TRIM2: variants seen among roughly 807,000 people sequenced by gnomAD.
TRIM2 encodes tripartite motif-containing protein 2.
TRIM2 carries 20 observed loss-of-function variants against 75.2 expected under a neutral mutation model. The ratio of observed to expected loss-of-function variants is 0.27; its 90% CI spans 0.19 to 0.39. The LOEUF is 0.39. Among genes scored for constraint, TRIM2 ranks in the 10% least tolerant of loss-of-function variants. The probability of loss-of-function intolerance (pLI) is 1.00; values close to 1 mark genes in which losing one functional copy is unlikely to be tolerated. For missense variants in TRIM2, 660 were observed against 990.8 expected (o/e 0.67, Z 4.48); for synonymous variants, 373 against 388.3 (o/e 0.96, Z 0.46).
chr4:153,302,589 G>A (rs1764138859), intron 6 of TRIM2, among the ~76,000 whole-genome samples: 1 of 152,200 alleles, frequency 6.6e-6, no homozygotes. Context: ...AGTACAGAAA[G>A]GTGAAGAGGA....
At chr4:153,272,124 TTGAGA>T (rs1177864198) in intron 2 of TRIM2, among the ~76,000 whole-genome samples, 1 of 149,810 alleles carries the variant, frequency 6.7e-6, no homozygotes, top group Non-Finnish European at 1.5e-5. Context: ...CTCATGCATG[TTGAGA>T]TGATTTCCTC....
chr4:153,197,502 C>A (rs1244001142), intron 1 of TRIM2, among the ~76,000 whole-genome samples: 1 of 152,128 alleles, frequency 6.6e-6, no homozygotes, highest in African/African-American at 2.4e-5. Context: ...TCCCAGCCCC[C>A]AAGGTGATGG....
At chr4:153,182,517 T>G (rs2149639356) in intron 1 of TRIM2, among the ~76,000 whole-genome samples, 1 of 152,240 alleles carries the variant, frequency 6.6e-6, no homozygotes, top group East Asian at 1.9e-4. Flanking sequence ...ACACACCCCA[T>G]GGGATTGTTA....
chr4:153,203,285 G>A (rs571351448), upstream of TRIM2, among the ~76,000 whole-genome samples: 2 of 152,030 alleles, frequency 1.3e-5, no homozygotes, highest in East Asian at 3.9e-4. Context: ...GGGAGGCTGA[G>A]GCAGGAGGAT....
chr4:153,300,966 G>A (rs986029950), intron 6 of TRIM2, among the ~76,000 whole-genome samples: 10 of 151,640 alleles, frequency 6.6e-5, no homozygotes, highest in Non-Finnish European at 7.4e-5. Context: ...CCAGGTGGGC[G>A]GATCACCTGA....
At chr4:153,334,211 T>C (rs1176640812) in intron 11 of TRIM2, among the ~76,000 whole-genome samples, 1 of 151,976 alleles carries the variant, frequency 6.6e-6, no homozygotes, top group Non-Finnish European at 1.5e-5. Context: ...ACTATAGGAA[T>C]ACAAGTGAAA....
At chr4:153,172,237 G>A (rs1730953503) in intron 1 of TRIM2, among the ~76,000 whole-genome samples, 1 of 151,890 alleles carries the variant, frequency 6.6e-6, no homozygotes, top group African/African-American at 2.4e-5. Flanking sequence ...ACCCAGGCCG[G>A]AGTGCAGTGG....
chr4:153,257,734 C>A (rs2149963607), intron 1 of TRIM2: 2 of 614,798 alleles, frequency 3.3e-6, no homozygotes, highest in Non-Finnish European at 2.7e-6. Flanking sequence ...AATTCTTTGC[C>A]TCGTTGGTTA....
chr4:153,293,208 A>T (rs1201783477), intron 4 of TRIM2, 75 bp downstream of exon 4: 2 of 1,431,164 alleles, frequency 1.4e-6, no homozygotes, highest in Non-Finnish European at 1.9e-6. Flanking sequence ...TTGTCTAGGT[A>T]CAAGAGTAGG....
chr4:153,173,617 C>T (rs192636499), intron 1 of TRIM2, among the ~76,000 whole-genome samples: 34 of 150,036 alleles, frequency 2.3e-4, no homozygotes, highest in Middle Eastern at 7.3e-3. Context: ...GAGCCGAGAT[C>T]GCGCCATTGC....
intron 6 of TRIM2, among the ~76,000 whole-genome samples, chr4:153,300,431 C>T (rs752580714): frequency 8.5e-5 from 13 of 152,230 alleles, no homozygotes; most frequent in Non-Finnish European, 1.5e-4. Flanking sequence ...AGATATGTGC[C>T]GCCATACCTG....
intron 8 of TRIM2, among the ~76,000 whole-genome samples, chr4:153,318,535 C>A (rs536422946): frequency 6.6e-6 from 1 of 152,260 alleles, no homozygotes; most frequent in Non-Finnish European, 1.5e-5. Flanking sequence ...ACTTCTTCCC[C>A]CTTTTTTGCA....
At chr4:153,157,911 T>C (rs1686979279) in intron 1 of TRIM2, among the ~76,000 whole-genome samples, 1 of 152,222 alleles carries the variant, frequency 6.6e-6, no homozygotes, top group Admixed American at 6.5e-5. Context: ...AGTGGTTAAA[T>C]ACCATCCACT....
chr4:153,329,321 G>C (rs1770927535), intron 11 of TRIM2, among the ~76,000 whole-genome samples: 2 of 151,848 alleles, frequency 1.3e-5, no homozygotes, highest in African/African-American at 2.4e-5. Flanking sequence ...GAGTCAAAGA[G>C]GGAGTCTCAA....
At position 153,276,150 on chromosome 4, in the gene TRIM2, G is replaced by C. The variant is rs757719364; in HGVS notation, c.453+20G>C. The C allele has an allele frequency of 6.2e-7, 1 of 1,603,368 alleles. No individual in the cohort carries two copies. Among genetic ancestry groups the C allele is most frequent in the Admixed American group, 1.7e-5 (1 of 60,004 alleles). ...GGGAATGTAAGTGGCTGGGATGGCA[G>C]ATACTGCCCGGGAGCATGACTACTG... On this transcript the variant is annotated intron_variant, in intron 3 of 11. Transcript: ENST00000338700.
chr4:153,272,179 C>T (rs1721306320), intron 2 of TRIM2, among the ~76,000 whole-genome samples: 1 of 152,120 alleles, frequency 6.6e-6, no homozygotes, highest in African/African-American at 2.4e-5. Context: ...GATGGAGTCG[C>T]ACTCTGTTGC....
At chr4:153,159,706 A>C (rs182023268) in intron 1 of TRIM2, among the ~76,000 whole-genome samples, 153 of 152,202 alleles carry the variant, frequency 1.0e-3, no homozygotes, top group African/African-American at 3.3e-3. Context: ...TGAAAATTTG[A>C]ATATACTTTT....
chr4:153,211,412 G>A (rs1736952923), intron 1 of TRIM2, among the ~76,000 whole-genome samples: 1 of 152,032 alleles, frequency 6.6e-6, no homozygotes, highest in African/African-American at 2.4e-5. Flanking sequence ...GCAAGGTGGG[G>A]TAACATGGGA....
chr4:153,243,504 A>C (rs749681922), intron 1 of TRIM2, among the ~76,000 whole-genome samples: 2 of 152,124 alleles, frequency 1.3e-5, no homozygotes, highest in Non-Finnish European at 2.9e-5. Flanking sequence ...TTTGCTTTTG[A>C]CAGAAGTCTC....
Sources: gnomAD v4.1 joint callset for allele counts (sites outside exome capture counted in the v4.1 genomes callset) on GRCh38, gnomAD v4.1.1 for gene constraint, MANE v1.5 for transcripts, NCBI Gene and HGNC (gene_info 2026-07-23, HGNC 2026-07-21) for gene names.